BARX2: variants seen among roughly 807,000 people sequenced by gnomAD.
BARX2 encodes the protein BARX homeobox 2.
Under a neutral mutation model 25.5 loss-of-function variants are expected in BARX2, and 11 were observed. That is an observed-to-expected ratio of 0.43 (90% confidence interval 0.27 to 0.71). The LOEUF is 0.71. Among genes scored for constraint, BARX2 ranks in the 30% least tolerant of loss-of-function variants. The pLI is 0.19. For missense variants in BARX2, 360 were observed against 359.9 expected (o/e 1.00, Z 0.00); for synonymous variants, 137 against 149.5 (o/e 0.92, Z 0.61).
intron 2 of BARX2, among the ~76,000 whole-genome samples, chr11:129,442,229 G>T (rs987812246): frequency 2.0e-5 from 3 of 152,168 alleles, no homozygotes; most frequent in African/African-American, 7.2e-5. Flanking sequence ...GCACTTTCAT[G>T]GGTAGAAAAG....
chr11:129,399,168 A>G (rs925032585), intron 1 of BARX2, among the ~76,000 whole-genome samples: 48 of 152,180 alleles, frequency 3.2e-4, no homozygotes, highest in African/African-American at 1.1e-3. Flanking sequence ...AATTCATAAT[A>G]TTTAGAACTT....
chr11:129,388,658 T>TTTTTTCACATTATA (rs888273398), intron 1 of BARX2, among the ~76,000 whole-genome samples: 1 of 152,206 alleles, frequency 6.6e-6, no homozygotes, highest in African/African-American at 2.4e-5. Flanking sequence ...AACGAGATTA[T>TTTTTTCACATTATA]TTTTTCACAT....
intron 1 of BARX2, among the ~76,000 whole-genome samples, chr11:129,383,388 G>T (rs771492594): frequency 2.6e-5 from 4 of 152,070 alleles, no homozygotes; most frequent in Non-Finnish European, 5.9e-5. Context: ...ATCAGAAGGC[G>T]GTATAATTAT....
In BARX2 at chr11:129,376,832, T is replaced by G. The variant is rs1861509584; in HGVS notation, c.187+610T>G. On this transcript the variant is annotated intron_variant, in intron 1 of 3. Coordinates refer to ENST00000281437, the MANE Select transcript of BARX2 (RefSeq NM_003658.5). The surrounding 1 kb of genome is among the most constrained non-coding windows in gnomAD (Gnocchi z 4.2). ...CCGAAAAGGTCACCCTCGTTTGTCT[T>G]AAGTGACCAAAACCAGCAATGGTAA... is the stretch of plus-strand genomic sequence containing the variant. Among the ~76,000 whole-genome samples, 1 of 152,238 alleles carries G rather than the reference T, an allele frequency of 6.6e-6. No individual in the cohort carries two copies.
At chr11:129,440,186 T>C (rs1376327419) in intron 2 of BARX2, among the ~76,000 whole-genome samples, 2 of 152,242 alleles carry the variant, frequency 1.3e-5, no homozygotes, top group South Asian at 4.1e-4. Context: ...TAAGCGAATA[T>C]GCAGGGAAGT....
At chr11:129,444,129 A>G (rs10750413) in intron 3 of BARX2, among the ~76,000 whole-genome samples, 49,020 of 151,832 alleles carry the variant, frequency 0.32, 8,758 homozygotes, top group East Asian at 0.68. Context: ...AAGTCAGTGG[A>G]TAGATGTTTT....
At chr11:129,396,896 C>T (rs1402173524) in intron 1 of BARX2, among the ~76,000 whole-genome samples, 1 of 152,170 alleles carries the variant, frequency 6.6e-6, no homozygotes, top group Non-Finnish European at 1.5e-5. Flanking sequence ...TATCTATTCT[C>T]ACACACAAAT....
At chr11:129,399,960 G>T (rs533875447) in intron 1 of BARX2, among the ~76,000 whole-genome samples, 7 of 152,114 alleles carry the variant, frequency 4.6e-5, no homozygotes, top group African/African-American at 1.4e-4. Flanking sequence ...TCCACCTGTG[G>T]TGTCTGAGCC....
intron 1 of BARX2, among the ~76,000 whole-genome samples, chr11:129,418,956 G>T (rs560636501): frequency 2.6e-5 from 4 of 152,158 alleles, no homozygotes; most frequent in African/African-American, 9.7e-5. Flanking sequence ...GCCACTGTCC[G>T]TGTGGAGTTT....
chr11:129,381,447 T>C (rs999956352), intron 1 of BARX2, among the ~76,000 whole-genome samples: 2 of 152,178 alleles, frequency 1.3e-5, no homozygotes, highest in African/African-American at 4.8e-5. Context: ...CAGCTCGGAA[T>C]TGGGATAGGG....
chr11:129,425,878 TTAAG>T (rs1350506179), intron 1 of BARX2, among the ~76,000 whole-genome samples: 1 of 152,214 alleles, frequency 6.6e-6, no homozygotes, highest in African/African-American at 2.4e-5. Context: ...TGTAAACTTC[TTAAG>T]TTTTTATTTA....
chr11:129,406,011 C>T (rs116633013), intron 1 of BARX2, among the ~76,000 whole-genome samples: 286 of 152,272 alleles, frequency 1.9e-3, no homozygotes, highest in African/African-American at 6.7e-3. Context: ...TTATCTATCT[C>T]ATTACTAGAT....
chr11:129,376,067 C>G lies in BARX2; in HGVS notation c.32C>G (p.Ser11Trp). 6.2e-7 allele frequency: 1 copy of G among 1,605,712 alleles called. No homozygotes were observed. Among genetic ancestry groups the G allele is most frequent in the Non-Finnish European group, 8.5e-7 (1 of 1,176,808 alleles). Residue 11 changes from serine (S) to tryptophan (W), a missense_variant, in exon 1 of 4, where the codon TCG becomes TGG. Physicochemically the swap from Ser to Trp is radical, Grantham distance 177. Coordinates refer to ENST00000281437, the MANE Select transcript of BARX2 (RefSeq NM_003658.5). This position sits in a 1 kb window ranked among gnomAD's most constrained non-coding sequence, Gnocchi z 4.2. MHCHAELRLS[S>W]PGQLKAARRR... ...TGCCACGCCGAGCTGAGGCTGAGCT[C>G]GCCCGGCCAGCTCAAAGCAGCCAGG... is the stretch of plus-strand genomic sequence containing the variant.
intron 1 of BARX2, among the ~76,000 whole-genome samples, chr11:129,400,096 T>A (rs1861760971): frequency 6.6e-6 from 1 of 152,140 alleles, no homozygotes; most frequent in African/African-American, 2.4e-5. Flanking sequence ...TATGACTGCT[T>A]ATCTAGTGAG....
chr11:129,407,134 T>C (rs7120806), intron 1 of BARX2, among the ~76,000 whole-genome samples: 42,940 of 152,082 alleles, frequency 0.28, 7,529 homozygotes, highest in East Asian at 0.55. Flanking sequence ...CTGCATGCTG[T>C]AGAGCCTTCA....
intron 1 of BARX2, among the ~76,000 whole-genome samples, chr11:129,432,185 C>T (rs1250507192): frequency 6.6e-6 from 1 of 152,094 alleles, no homozygotes; most frequent in Non-Finnish European, 1.5e-5. Context: ...GACTCAGCCT[C>T]ACAAGTAGCT....
At chr11:129,407,350 C>A (rs1252059389) in intron 1 of BARX2, among the ~76,000 whole-genome samples, 1 of 152,234 alleles carries the variant, frequency 6.6e-6, no homozygotes, top group Non-Finnish European at 1.5e-5. Flanking sequence ...ACACAGCTTT[C>A]CCTCATTAGG....
rs372820366 is a variant in BARX2, at chr11:129,436,481, G to A, written c.188-270G>A. On this transcript the variant is annotated intron_variant, in intron 1 of 3. Coordinates refer to ENST00000281437, the MANE Select transcript of BARX2 (RefSeq NM_003658.5). The surrounding 1 kb of genome is among the most constrained non-coding windows in gnomAD (Gnocchi z 4.5). ...AGAATTTAGGGATTCCGAAGGGAGA[G>A]AGGGGAAAGATCTGCTTAAAACCAG... 5.1e-6 allele frequency: 2 copies of A among 388,892 alleles called. No homozygotes were observed. The highest frequency in any genetic ancestry group is 7.4e-5 in the East Asian group (2 of 27,074). 24.1% of individuals were successfully genotyped at this position (388,892 alleles called of 1,614,324 possible). A position where few individuals can be genotyped will look rare whatever the true frequency, so the allele number is the denominator to read the frequency against.
At chr11:129,407,495 A>G (rs139468487) in intron 1 of BARX2, among the ~76,000 whole-genome samples, 1 of 152,326 alleles carries the variant, frequency 6.6e-6, no homozygotes, top group East Asian at 1.9e-4. Context: ...CTTTATGCAC[A>G]GTCTATGCTT....
Sources: gnomAD v4.1 joint callset for allele counts (sites outside exome capture counted in the v4.1 genomes callset) on GRCh38, gnomAD v4.1.1 for gene constraint, Gnocchi (gnomAD v3.1) non-coding constraint, MANE v1.5 for transcripts, NCBI Gene and HGNC (gene_info 2026-07-23, HGNC 2026-07-21) for gene names.